ST8SIA6: variants seen among roughly 807,000 people sequenced by gnomAD.
ST8SIA6 encodes the protein alpha-2,8-sialyltransferase 8F.
ST8SIA6 carries 39 observed loss-of-function variants against 33.6 expected under a neutral mutation model. The observed-to-expected ratio is 1.16, with a 90% confidence interval of 0.90 to 1.52. The LOEUF (loss-of-function observed/expected upper bound fraction) is 1.52. Ranked by LOEUF, ST8SIA6 falls within the 40% of genes most tolerant of loss-of-function variation. The pLI is 0.00. For synonymous variants in ST8SIA6, 172 were observed against 167.2 expected (o/e 1.03, Z -0.22); for missense variants, 441 against 443.8 (o/e 0.99, Z 0.06).
chr10:17,412,270 C>G (rs1007854119), intron 2 of ST8SIA6, among the ~76,000 whole-genome samples: 1 of 152,132 alleles, frequency 6.6e-6, no homozygotes, highest in African/African-American at 2.4e-5. Context: ...AACCTCCAGC[C>G]ACTGCAACTC....
At chr10:17,413,950 A>G (rs1013911454) in intron 2 of ST8SIA6, among the ~76,000 whole-genome samples, 2 of 152,210 alleles carry the variant, frequency 1.3e-5, no homozygotes, top group East Asian at 1.9e-4. Context: ...AATACATTCT[A>G]TTTATCCAGC....
At chr10:17,414,956 T>C (rs1851558364) in intron 2 of ST8SIA6, among the ~76,000 whole-genome samples, 1 of 152,052 alleles carries the variant, frequency 6.6e-6, no homozygotes, top group Admixed American at 6.6e-5. Flanking sequence ...CCCAGTATGT[T>C]CTGGCTCCTG....
intron 5 of ST8SIA6, 109 bp downstream of exon 5, chr10:17,331,299 C>T (rs944662598): frequency 7.4e-7 from 1 of 1,357,466 alleles, no homozygotes; most frequent in African/African-American, 1.5e-5. Context: ...TACAACATAA[C>T]AATATGGTAT....
intron 3 of ST8SIA6, among the ~76,000 whole-genome samples, chr10:17,374,752 A>AATAAAATATATATATATATATATATATAT (rs1849849725): frequency 8.1e-6 from 1 of 123,310 alleles, no homozygotes; most frequent in African/African-American, 3.1e-5. Flanking sequence ...ATAAATAATA[A>AATAAAATATATATATATATATATATATAT]ATATATATAT....
rs1847894408 is a variant in ST8SIA6, at chr10:17,320,023, A to G, written c.*855T>C. 6.6e-6 allele frequency: 1 copy of G among 152,212 alleles called. No individual in the cohort carries two copies. The highest frequency in any genetic ancestry group is 2.1e-4 in the South Asian group (1 of 4,834). 9.4% of individuals were successfully genotyped at this position (152,212 alleles called of 1,614,324 possible). On this transcript the variant is annotated 3_prime_UTR_variant, in exon 8 of 8. Coordinates refer to ENST00000377602, the MANE Select transcript of ST8SIA6 (RefSeq NM_001004470.3). ...CATCTGTTTTCTCCTACAAGAGGCA[A>G]TAATCCTTCTTGTCCTCTCACAGAG... is the stretch of plus-strand genomic sequence containing the variant.
intron 3 of ST8SIA6, among the ~76,000 whole-genome samples, chr10:17,379,505 C>T (rs1028442798): frequency 1.3e-5 from 2 of 152,182 alleles, no homozygotes; most frequent in South Asian, 2.1e-4. Flanking sequence ...AAACCTGCTT[C>T]CCATTCTATT....
intron 2 of ST8SIA6, among the ~76,000 whole-genome samples, chr10:17,440,409 T>G (rs947272239): frequency 2.3e-4 from 35 of 152,110 alleles, no homozygotes; most frequent in African/African-American, 8.0e-4. Context: ...TTTCACTATG[T>G]TGGCCAGGAT....
chr10:17,347,986 T>C (rs1304796776), intron 4 of ST8SIA6, among the ~76,000 whole-genome samples: 1 of 140,884 alleles, frequency 7.1e-6, no homozygotes, highest in Non-Finnish European at 1.6e-5. Context: ...TTAAAGCTGA[T>C]TGTGAATTGC....
At chr10:17,374,124 AG>A (rs1849819870) in intron 3 of ST8SIA6, among the ~76,000 whole-genome samples, 1 of 141,976 alleles carries the variant, frequency 7.0e-6, no homozygotes, top group South Asian at 2.4e-4. Flanking sequence ...CGGGAAAAGT[AG>A]TCTATTTCTC....
At chr10:17,453,443 T>A in intron 2 of ST8SIA6, 116 bp downstream of exon 2, 3 of 674,694 alleles carry the variant, frequency 4.4e-6, no homozygotes, top group Non-Finnish European at 6.2e-6. Flanking sequence ...ACTCTTACAC[T>A]CACTCGCGCC....
intron 3 of ST8SIA6, among the ~76,000 whole-genome samples, chr10:17,374,748 A>AAAATATAT (rs1344895365): frequency 6.1e-4 from 41 of 67,612 alleles, no homozygotes; most frequent in East Asian, 2.9e-3. Flanking sequence ...ATAAATAAAT[A>AAAATATAT]ATAAATATAT....
At chr10:17,444,314 C>A (rs555695846) in intron 2 of ST8SIA6, among the ~76,000 whole-genome samples, 132 of 152,268 alleles carry the variant, frequency 8.7e-4, no homozygotes, top group Non-Finnish European at 1.6e-3. Flanking sequence ...TATTGTCTGT[C>A]GAACGTTGCC....
chr10:17,392,657 G>A (rs565765895), intron 2 of ST8SIA6, among the ~76,000 whole-genome samples: 292 of 152,334 alleles, frequency 1.9e-3, no homozygotes, highest in Non-Finnish European at 3.1e-3. Flanking sequence ...TGGGGCAAGA[G>A]AGGAAGTGAA....
chr10:17,393,573 T>G (rs1850697770), intron 2 of ST8SIA6, among the ~76,000 whole-genome samples: 1 of 152,148 alleles, frequency 6.6e-6, no homozygotes, highest in Admixed American at 6.5e-5. Context: ...GAGTCAGAAA[T>G]GAGCCACCCT....
chr10:17,366,043 A>G (rs1849548952), intron 3 of ST8SIA6, among the ~76,000 whole-genome samples: 1 of 152,214 alleles, frequency 6.6e-6, no homozygotes, highest in East Asian at 1.9e-4. Context: ...CAGTCAATAC[A>G]GTCAATCATT....
Position 17,326,662 on chromosome 10 carries a change from G to C in ST8SIA6, c.635+352C>G, listed in dbSNP as rs931542970. 3.9e-5 allele frequency among the ~76,000 whole-genome samples: 6 copies of C among 152,224 alleles called. No homozygotes were observed. In the East Asian group the frequency reaches 1.2e-3, roughly 29 times the overall value. On this transcript the variant is annotated intron_variant, in intron 6 of 7. Coordinates refer to ENST00000377602, the MANE Select transcript of ST8SIA6 (RefSeq NM_001004470.3). ...AAAAACAAACAAACAAATAAAAAAA[G>C]ATCTTCAAGGTCAGGTGAGCCTGAG...
chr10:17,431,414 T>G (rs570258220), intron 2 of ST8SIA6, among the ~76,000 whole-genome samples: 2 of 152,212 alleles, frequency 1.3e-5, no homozygotes, highest in African/African-American at 4.8e-5. Flanking sequence ...GATATACCAA[T>G]TTGAAAGCAG....
chr10:17,331,162 T>C (rs1006685737), intron 5 of ST8SIA6, among the ~76,000 whole-genome samples: 2 of 152,144 alleles, frequency 1.3e-5, no homozygotes, highest in African/African-American at 4.8e-5. Flanking sequence ...TCTCATCTCA[T>C]TCGAAGAAGA....
intron 3 of ST8SIA6, among the ~76,000 whole-genome samples, chr10:17,386,473 A>T (rs569875350): frequency 6.6e-6 from 1 of 152,286 alleles, no homozygotes; most frequent in African/African-American, 2.4e-5. Context: ...CGGGAGGTGG[A>T]GGTTGCAGTG....
Sources: gnomAD v4.1 joint callset for allele counts (sites outside exome capture counted in the v4.1 genomes callset) on GRCh38, gnomAD v4.1.1 for gene constraint, MANE v1.5 for transcripts, NCBI Gene and HGNC (gene_info 2026-07-23, HGNC 2026-07-21) for gene names.